Variants in FILIP1 observed in about 807,000 individuals in gnomAD.
FILIP1 encodes filamin-A-interacting protein 1.
FILIP1 carries 61 observed loss-of-function variants against 102.1 expected under a neutral mutation model. That is an observed-to-expected ratio of 0.60 (90% CI 0.49 to 0.74). The LOEUF (loss-of-function observed/expected upper bound fraction) is 0.74, where lower values mean the gene tolerates loss of function less well. Among genes scored for constraint, FILIP1 ranks in the 30% least tolerant of loss-of-function variants. The pLI is 0.00. For missense variants in FILIP1, 1,314 were observed against 1,441.2 expected (o/e 0.91, Z 1.43); for synonymous variants, 491 against 526.9 (o/e 0.93, Z 0.93).
intron 2 of FILIP1, among the ~76,000 whole-genome samples, chr6:75,413,325 C>T (rs1226760692): frequency 6.6e-6 from 1 of 152,146 alleles, no homozygotes; most frequent in Admixed American, 6.6e-5. Context: ...TGCCTCTGTA[C>T]ACAACCAATG....
intron 4 of FILIP1, among the ~76,000 whole-genome samples, chr6:75,327,452 C>T (rs920240715): frequency 2.6e-5 from 4 of 151,506 alleles, no homozygotes; most frequent in Non-Finnish European, 4.4e-5. Context: ...TGTCACTCTG[C>T]TTGTAAAAGG....
chr6:75,413,721 C>G (rs761209742), intron 2 of FILIP1, among the ~76,000 whole-genome samples: 10 of 150,436 alleles, frequency 6.6e-5, no homozygotes, highest in Middle Eastern at 3.4e-3. Context: ...CTCATGCAAG[C>G]TAAGAAACTA....
At position 75,414,734 on chromosome 6, in the gene FILIP1, A is replaced by AG; in HGVS notation, c.238dup (p.Leu80ProfsTer30). 6.2e-7 allele frequency: 1 copy of AG among 1,613,776 alleles called. No homozygotes were observed. Among genetic ancestry groups the AG allele is most frequent in the Non-Finnish European group, 8.5e-7 (1 of 1,179,756 alleles). ...TTCCATTATACTGAGTAGTTGGATG[A>AG]GGTCTTCTTTGGATAACTCCAGGGA... On this transcript the variant is annotated frameshift_variant, in exon 2 of 6. Transcript: ENST00000237172. LOFTEE classifies it high-confidence loss of function.
At chr6:75,452,015 C>T (rs73461769) in intron 1 of FILIP1, among the ~76,000 whole-genome samples, 1,577 of 151,760 alleles carry the variant, frequency 0.01, 39 homozygotes, top group African/African-American at 0.037. Context: ...ATATTTGGAT[C>T]GAATAATTCC....
chr6:75,328,261 G>C (rs375644757), intron 4 of FILIP1, among the ~76,000 whole-genome samples: 31 of 152,260 alleles, frequency 2.0e-4, no homozygotes, highest in African/African-American at 6.7e-4. Context: ...TATGGCAAGA[G>C]TCCTTTATTT....
chr6:75,374,633 G>A (rs932812488), intron 2 of FILIP1, among the ~76,000 whole-genome samples: 1 of 152,172 alleles, frequency 6.6e-6, no homozygotes, highest in Non-Finnish European at 1.5e-5. Context: ...ACCCACCTCG[G>A]CCTCCCAGAG....
intron 1 of FILIP1, among the ~76,000 whole-genome samples, chr6:75,439,347 C>T (rs1032495809): frequency 6.8e-6 from 1 of 146,064 alleles, no homozygotes; most frequent in Non-Finnish European, 1.5e-5. Flanking sequence ...GCCTGGGCGA[C>T]AAGAGCGAGA....
In FILIP1 at chr6:75,359,226, G is replaced by C. The variant is rs573694972; in HGVS notation, c.450+3518C>G. Among the ~76,000 whole-genome samples, 24 of 151,518 alleles carry C rather than the reference G, an allele frequency of 1.6e-4. No individual in the cohort carries two copies. The South Asian group carries it at 4.6e-3, about 29-fold the overall frequency. The stretch of plus-strand genomic sequence containing the variant: ...TCATTATATTGGTCAGGCTGGTCTC[G>C]AACTCCTGACCTCAAGTGATCTGCC... On this transcript the variant is annotated intron_variant, in intron 3 of 5. Coordinates refer to ENST00000237172, the MANE Select transcript of FILIP1 (RefSeq NM_015687.5).
At chr6:75,449,555 A>C (rs540495847) in intron 1 of FILIP1, among the ~76,000 whole-genome samples, 1 of 152,236 alleles carries the variant, frequency 6.6e-6, no homozygotes, top group African/African-American at 2.4e-5. Context: ...TTGAGGCAGG[A>C]GGATCCCTTG....
intron 6 of FILIP1, among the ~76,000 whole-genome samples, chr6:75,301,469 C>A (rs1470604177): frequency 6.6e-6 from 1 of 152,070 alleles, no homozygotes; most frequent in South Asian, 2.1e-4. Context: ...GGGTTTGTTG[C>A]TGTTTGTCTT....
chr6:75,331,247 G>T (rs922371505), intron 4 of FILIP1, among the ~76,000 whole-genome samples: 65 of 152,104 alleles, frequency 4.3e-4, no homozygotes, highest in African/African-American at 1.5e-3. Context: ...AAAGTCTAGG[G>T]AATTGTTAGT....
intron 2 of FILIP1, among the ~76,000 whole-genome samples, chr6:75,383,756 G>C (rs1775981436): frequency 6.6e-6 from 1 of 152,134 alleles, no homozygotes; most frequent in African/African-American, 2.4e-5. Flanking sequence ...AACCTTATCA[G>C]ATAGACACTA....
At chr6:75,484,108 T>C (rs1779719549) in intron 1 of FILIP1, among the ~76,000 whole-genome samples, 1 of 152,132 alleles carries the variant, frequency 6.6e-6, no homozygotes, top group Non-Finnish European at 1.5e-5. Context: ...TATGTGACTC[T>C]TGTACAGAAC....
chr6:75,474,334 T>C (rs149493542), intron 1 of FILIP1, among the ~76,000 whole-genome samples: 1 of 152,326 alleles, frequency 6.6e-6, no homozygotes, highest in African/African-American at 2.4e-5. Flanking sequence ...ATTAAACATA[T>C]ATTTGTTTCT....
intron 1 of FILIP1, among the ~76,000 whole-genome samples, chr6:75,478,413 G>A (rs1009526596): frequency 6.6e-6 from 1 of 152,098 alleles, no homozygotes. Context: ...ACCTTCACTG[G>A]ACACCTCATA....
intron 1 of FILIP1, among the ~76,000 whole-genome samples, chr6:75,485,451 A>G (rs1378318144): frequency 2.6e-5 from 4 of 152,132 alleles, no homozygotes; most frequent in Admixed American, 2.0e-4. Context: ...GAAAGTAGAG[A>G]TTTATTCTGT....
At chr6:75,381,235 A>AT (rs34565744) in intron 2 of FILIP1, among the ~76,000 whole-genome samples, 9,293 of 146,480 alleles carry the variant, frequency 0.063, 787 homozygotes, top group African/African-American at 0.19. Flanking sequence ...ATTAGATACA[A>AT]TTTTTTTTTT....
chr6:75,362,867 C>T lies in FILIP1; in HGVS notation c.327G>A (p.Glu109=). 6.2e-7 allele frequency: 1 copy of T among 1,614,040 alleles called. No homozygotes were observed. Among genetic ancestry groups the T allele is most frequent in the African/African-American group, 1.3e-5 (1 of 75,026 alleles). Residue 109 remains glutamate (E), a synonymous_variant, in exon 3 of 6, where the codon GAG becomes GAA. Transcript: ENST00000237172. ...HMLKTEKTKP[E]VLEAHYGSAE... ...CAGACCCGTAATGAGCCTCCAGAACCTCAGGCTTGGTTTTCTCTGTCTTCA... is the reference window on the plus strand; with the variant it reads ...CAGACCCGTAATGAGCCTCCAGAACTTCAGGCTTGGTTTTCTCTGTCTTCA...
At chr6:75,330,558 G>A (rs1438662058) in intron 4 of FILIP1, among the ~76,000 whole-genome samples, 1 of 152,134 alleles carries the variant, frequency 6.6e-6, no homozygotes, top group East Asian at 1.9e-4. Context: ...GAAAAAATCT[G>A]TAGACCTGTT....
Sources: allele counts gnomAD v4.1 joint callset (sites outside exome capture counted in the v4.1 genomes callset), GRCh38; gene constraint gnomAD v4.1.1; transcripts MANE v1.5; gene names NCBI Gene and HGNC (gene_info 2026-07-23, HGNC 2026-07-21).